COL24A1: variants seen among roughly 807,000 people sequenced by gnomAD.
COL24A1 encodes collagen type XXIV alpha 1 chain.
COL24A1 carries 224 observed loss-of-function variants against 253.9 expected under a neutral mutation model. That is an observed-to-expected ratio of 0.88 (90% confidence interval 0.79 to 0.99). COL24A1 has a LOEUF of 0.99. COL24A1 is among the 50% of genes least tolerant of loss of function. The probability of loss-of-function intolerance (pLI) is 0.00; values close to 1 mark genes in which losing one functional copy is unlikely to be tolerated. For missense variants in COL24A1, 2,131 were observed against 2,068.5 expected, an observed-to-expected ratio of 1.03 and a Z score of -0.59; for synonymous variants, 685 against 673.7, an observed-to-expected ratio of 1.02 and a Z score of -0.26.
At chr1:85,926,291 G>C (rs1426809831) in intron 24 of COL24A1, among the ~76,000 whole-genome samples, 1 of 152,222 alleles carries the variant, frequency 6.6e-6, no homozygotes, top group Non-Finnish European at 1.5e-5. Flanking sequence ...TCTAGAACTA[G>C]AAATACCATT....
Position 85,868,630 on chromosome 1 carries a change from T to C in COL24A1, c.3193-4A>G, listed in dbSNP as rs575032385. The C allele has an allele frequency of 6.2e-7, 1 of 1,611,106 alleles. No individual in the cohort carries two copies. The highest frequency in any genetic ancestry group is 2.2e-5 in the East Asian group (1 of 44,838). On this transcript the variant is annotated splice_region_variant and splice_polypyrimidine_tract_variant and intron_variant, in intron 36 of 59. Transcript: ENST00000370571. ...GTCCCCTTCCTCCTGGTACTCCCTG[T>C]AATGCAATAAAAAAGTTTTCTATAA...
At chr1:86,003,784 A>T (rs1695664476) in intron 19 of COL24A1, among the ~76,000 whole-genome samples, 2 of 106,942 alleles carry the variant, frequency 1.9e-5, no homozygotes, top group Non-Finnish European at 3.9e-5. Context: ...GGGAGGAAAA[A>T]AAAATAGAGG....
rs1676592624 is a variant in COL24A1 at position 85,841,338 on chromosome 1, C to T, written c.3571-60G>A. On this transcript the variant is annotated intron_variant, in intron 41 of 59. Coordinates refer to ENST00000370571, the MANE Select transcript of COL24A1 (RefSeq NM_152890.7). ...ATAAATAAAATAAACATCAAAAACA[C>T]ACAACCTACTATTTTTAAGTATATT... is the stretch of plus-strand genomic sequence containing the variant. 3 of 1,151,902 alleles carry T rather than the reference C, an allele frequency of 2.6e-6. No individual in the cohort carries two copies. The Admixed American group carries it at 7.0e-5, about 27-fold the overall frequency. The allele number at this position is 1,151,902 out of a possible 1,614,324, so 71.4% of individuals were successfully genotyped here.
intron 47 of COL24A1, among the ~76,000 whole-genome samples, chr1:85,786,782 A>G (rs1368893766): frequency 6.6e-6 from 1 of 152,180 alleles, no homozygotes; most frequent in Admixed American, 6.5e-5. Flanking sequence ...TAACTTTTGT[A>G]TTATACTCTG....
At chr1:86,010,068 C>A (rs1696354566) in intron 19 of COL24A1, among the ~76,000 whole-genome samples, 1 of 151,948 alleles carries the variant, frequency 6.6e-6, no homozygotes, top group South Asian at 2.1e-4. Flanking sequence ...ACAAAAAAAA[C>A]TTTTAATGTA....
chr1:85,958,131 C>T (rs1172216797), intron 24 of COL24A1, among the ~76,000 whole-genome samples: 3 of 151,884 alleles, frequency 2.0e-5, no homozygotes, highest in African/African-American at 4.8e-5. Flanking sequence ...TTATTTTCAT[C>T]GTTTTACTGC....
At chr1:85,783,907 A>C (rs143743226) in intron 50 of COL24A1, among the ~76,000 whole-genome samples, 121 of 152,324 alleles carry the variant, frequency 7.9e-4, no homozygotes, top group African/African-American at 2.9e-3. Context: ...GATGAAAGAA[A>C]ACAAAATCAT....
intron 37 of COL24A1, among the ~76,000 whole-genome samples, chr1:85,851,137 C>T (rs918102922): frequency 6.6e-6 from 1 of 151,776 alleles, no homozygotes; most frequent in Non-Finnish European, 1.5e-5. Context: ...TGTTCCTACA[C>T]ATTTCTTAAT....
At chr1:85,920,518 TGC>T (rs1418592643) in intron 24 of COL24A1, among the ~76,000 whole-genome samples, 2 of 152,152 alleles carry the variant, frequency 1.3e-5, no homozygotes, top group African/African-American at 4.8e-5. Context: ...GAAGAGTGTG[TGC>T]TTGTAGAAGA....
chr1:85,765,029 AC>A (rs757826545), intron 53 of COL24A1, among the ~76,000 whole-genome samples: 77 of 152,362 alleles, frequency 5.1e-4, no homozygotes, highest in Admixed American at 5.2e-4. Context: ...AAAGTTTGAT[AC>A]TTTTAAATGA....
intron 2 of COL24A1, among the ~76,000 whole-genome samples, chr1:86,131,289 AT>A (rs1237369444): frequency 2.0e-5 from 3 of 151,768 alleles, no homozygotes; most frequent in Non-Finnish European, 4.4e-5. Context: ...ACAGGTTCAA[AT>A]TTTTTTTATT....
Position 85,730,265 on chromosome 1 carries a change from C to A in COL24A1, c.*281G>T, listed in dbSNP as rs959605017. The A allele has an allele frequency of 2.0e-5, 5 of 253,286 alleles. 1 individual carries two copies. In the South Asian group the frequency reaches 2.8e-4, roughly 14 times the overall value. 15.7% of individuals were successfully genotyped at this position (253,286 alleles called of 1,614,324 possible). A position where few individuals can be genotyped will look rare whatever the true frequency, so the allele number is the denominator to read the frequency against. Reference sequence around the variant, plus strand: ...CGCACTCAGTCAAAAATATAAGATACCCTGAAGAATTCCATATTTATAAAT... The same window carrying A: ...CGCACTCAGTCAAAAATATAAGATAACCTGAAGAATTCCATATTTATAAAT... On this transcript the variant is annotated 3_prime_UTR_variant, in exon 60 of 60. Transcript: ENST00000370571.
intron 28 of COL24A1, among the ~76,000 whole-genome samples, chr1:85,904,806 C>T (rs931404421): frequency 1.3e-5 from 2 of 152,062 alleles, no homozygotes; most frequent in African/African-American, 2.4e-5. Context: ...TTCAATACTG[C>T]ATGGTACTTC....
intron 32 of COL24A1, among the ~76,000 whole-genome samples, chr1:85,878,389 C>A (rs530852814): frequency 3.3e-5 from 5 of 152,302 alleles, no homozygotes; most frequent in African/African-American, 1.2e-4. Flanking sequence ...GAGGGCACAG[C>A]ACCTCAAAGA....
chr1:85,851,310 G>T (rs996700076), intron 37 of COL24A1, among the ~76,000 whole-genome samples: 16 of 151,912 alleles, frequency 1.1e-4, no homozygotes, highest in South Asian at 2.1e-4. Context: ...AAATGCTACA[G>T]GATTCCATGT....
intron 43 of COL24A1, among the ~76,000 whole-genome samples, chr1:85,838,357 C>G (rs1211783234): frequency 6.6e-6 from 1 of 152,092 alleles, no homozygotes; most frequent in Non-Finnish European, 1.5e-5. Flanking sequence ...TAGAGAAGGC[C>G]TCTCAGGAGG....
chr1:85,843,915 T>C (rs1676892215), intron 39 of COL24A1, among the ~76,000 whole-genome samples: 1 of 152,034 alleles, frequency 6.6e-6, no homozygotes, highest in African/African-American at 2.4e-5. Flanking sequence ...GTACCTAAAA[T>C]ATATATGCAA....
intron 24 of COL24A1, among the ~76,000 whole-genome samples, chr1:85,933,581 A>G (rs1445207514): frequency 6.6e-6 from 1 of 152,192 alleles, no homozygotes; most frequent in Non-Finnish European, 1.5e-5. Flanking sequence ...TTCCTTCTTA[A>G]CAGAAGTACT....
intron 1 of COL24A1, among the ~76,000 whole-genome samples, chr1:86,148,942 T>C (rs539462372): frequency 6.6e-6 from 1 of 152,260 alleles, no homozygotes; most frequent in South Asian, 2.1e-4. Context: ...TCCACAATGG[T>C]TGAACTAGTT....
Sources: gnomAD v4.1 joint callset for allele counts (sites outside exome capture counted in the v4.1 genomes callset) on GRCh38, gnomAD v4.1.1 for gene constraint, MANE v1.5 for transcripts, NCBI Gene and HGNC (gene_info 2026-07-23, HGNC 2026-07-21) for gene names.